Variants in ENTREP3 observed in about 807,000 individuals in gnomAD.
ENTREP3 encodes protein ENTREP3.
chr1:155,253,804 C>T, the ENTREP3 span: 1 of 1,611,232 alleles, frequency 6.2e-7, no homozygotes, highest in Admixed American at 1.7e-5. Context: ...GTGAGTACCC[C>T]AGCAGGGGAG....
chr1:155,254,476 A>G, the ENTREP3 span: 1 of 1,613,946 alleles, frequency 6.2e-7, no homozygotes, highest in Non-Finnish European at 8.5e-7. The surrounding 1 kb of genome is among the most constrained non-coding windows in gnomAD (Gnocchi z 4.4). Context: ...GAGTGGGCAC[A>G]GGCTCAGCCT....
chr1:155,252,713 TATATA>T, the ENTREP3 span: 2 of 58,868 alleles, frequency 3.4e-5, no homozygotes, highest in South Asian at 5.9e-4. Context: ...TATATATATA[TATATA>T]TATATTTTTT....
the ENTREP3 span, chr1:155,250,546 C>G: frequency 6.4e-7 from 1 of 1,569,154 alleles, no homozygotes; most frequent in Non-Finnish European, 8.6e-7. The surrounding 1 kb of genome is among the most constrained non-coding windows in gnomAD (Gnocchi z 5.4). Flanking sequence ...GTGGGGGCAC[C>G]CAGTGGGGGT....
chr1:155,248,481 G>A, the ENTREP3 span: 2 of 1,613,114 alleles, frequency 1.2e-6, no homozygotes, highest in Non-Finnish European at 1.7e-6. Flanking sequence ...CAGCTGGGGA[G>A]AAGAGAGAAA....
the ENTREP3 span, chr1:155,255,158 A>G: frequency 1.8e-6 from 1 of 556,330 alleles, no homozygotes. The surrounding 1 kb of genome is among the most constrained non-coding windows in gnomAD (Gnocchi z 5.6). Context: ...GGCTCATCGC[A>G]TCTCCCTAGG....
the ENTREP3 span, chr1:155,251,840 G>A: frequency 3.9e-6 from 6 of 1,542,608 alleles, no homozygotes; most frequent in Middle Eastern, 1.8e-4. Context: ...GTAGGAGAGG[G>A]GCTGGGGGCG....
chr1:155,255,321 C>T, the ENTREP3 span: 1 of 180,960 alleles, frequency 5.5e-6, no homozygotes, highest in South Asian at 1.1e-4. This position sits in a 1 kb window ranked among gnomAD's most constrained non-coding sequence, Gnocchi z 5.6. Context: ...GAGGCGCGGT[C>T]GGTGTGCCCT....
the ENTREP3 span, among the ~76,000 whole-genome samples, chr1:155,249,601 C>T: frequency 2.6e-5 from 4 of 151,496 alleles, no homozygotes; most frequent in East Asian, 2.0e-4. Flanking sequence ...AAAAATTGCC[C>T]GGGCACGGTG....
At chr1:155,254,254 GAC>G in the ENTREP3 span, 1 of 1,499,956 alleles carries the variant, frequency 6.7e-7, no homozygotes, top group Non-Finnish European at 9.3e-7. This position sits in a 1 kb window ranked among gnomAD's most constrained non-coding sequence, Gnocchi z 4.4. Context: ...CTCTGCCACG[GAC>G]AGAGTCCCCC....
chr1:155,248,532 C>T, the ENTREP3 span: 9 of 1,493,404 alleles, frequency 6.0e-6, no homozygotes, highest in Non-Finnish European at 7.5e-6. Flanking sequence ...TGGACACGCC[C>T]ACCCTCCTGT....
At chr1:155,250,657 T>C in the ENTREP3 span, 2 of 1,612,228 alleles carry the variant, frequency 1.2e-6, no homozygotes, top group East Asian at 4.5e-5. The surrounding 1 kb of genome is among the most constrained non-coding windows in gnomAD (Gnocchi z 5.4). Context: ...CAGTCCAGGC[T>C]GAGGCAGTAG....
the ENTREP3 span, chr1:155,248,496 G>T: frequency 6.2e-7 from 1 of 1,607,602 alleles, no homozygotes; most frequent in Non-Finnish European, 8.5e-7. Flanking sequence ...GAGAAAGGGA[G>T]ACAGGGAGTG....
chr1:155,255,139 G>A, the ENTREP3 span: 1 of 578,660 alleles, frequency 1.7e-6, no homozygotes, highest in Non-Finnish European at 3.1e-6. This position sits in a 1 kb window ranked among gnomAD's most constrained non-coding sequence, Gnocchi z 5.6. Context: ...ATGAGGACGC[G>A]GGGGCACCGG....
the ENTREP3 span, chr1:155,255,137 G>C: frequency 3.4e-6 from 2 of 580,648 alleles, no homozygotes; most frequent in Non-Finnish European, 6.2e-6. This position sits in a 1 kb window ranked among gnomAD's most constrained non-coding sequence, Gnocchi z 5.6. Context: ...CGATGAGGAC[G>C]CGGGGGCACC....
the ENTREP3 span, chr1:155,251,999 C>G: frequency 1.1e-6 from 1 of 908,086 alleles, no homozygotes; most frequent in African/African-American, 1.8e-5. Flanking sequence ...ATTATTTTTT[C>G]TGGCCCTATC....
chr1:155,251,828 G>A, the ENTREP3 span: 1 of 1,560,336 alleles, frequency 6.4e-7, no homozygotes, highest in Non-Finnish European at 8.6e-7. Context: ...CCAGCATGGT[G>A]TGTAGGAGAG....
the ENTREP3 span, chr1:155,250,647 C>T: frequency 2.5e-6 from 4 of 1,611,948 alleles, no homozygotes; most frequent in Non-Finnish European, 3.4e-6. The surrounding 1 kb of genome is among the most constrained non-coding windows in gnomAD (Gnocchi z 5.4). Flanking sequence ...CCGCAGGCCA[C>T]AGTCCAGGCT....
the ENTREP3 span, chr1:155,248,482 A>T: frequency 6.2e-7 from 1 of 1,612,538 alleles, no homozygotes. Flanking sequence ...AGCTGGGGAG[A>T]AGAGAGAAAG....
At chr1:155,251,614 G>A in the ENTREP3 span, 2 of 1,612,224 alleles carry the variant, frequency 1.2e-6, no homozygotes, top group Non-Finnish European at 1.7e-6. Flanking sequence ...GGCAGATGAG[G>A]AAGAGGGTCA....
Sources: gnomAD v4.1 joint callset for allele counts (sites outside exome capture counted in the v4.1 genomes callset) on GRCh38, gnomAD v4.1.1 for gene constraint, Gnocchi (gnomAD v3.1) non-coding constraint, MANE v1.5 for transcripts, NCBI Gene and HGNC (gene_info 2026-07-23, HGNC 2026-07-21) for gene names.